Variants in KRT34 observed in about 807,000 individuals in gnomAD.
The protein encoded by KRT34 is keratin, type I cuticular Ha4.
A neutral mutation model predicts 41.7 loss-of-function variants in KRT34; 31 were observed. The ratio of observed to expected loss-of-function variants is 0.74; its 90% CI spans 0.56 to 1.00. The LOEUF (loss-of-function observed/expected upper bound fraction) is 1.00. KRT34 is among the 50% of genes least tolerant of loss of function. The pLI, the probability that KRT34 is intolerant of heterozygous loss-of-function variation, is 0.00. For synonymous variants in KRT34, 224 were observed against 212.9 expected (o/e 1.05, Z -0.45); for missense variants, 523 against 500.3 (o/e 1.05, Z -0.43).
At chr17:41,380,670 T>A (rs2017961246) in intron 3 of KRT34, among the ~76,000 whole-genome samples, 1 of 152,238 alleles carries the variant, frequency 6.6e-6, no homozygotes, top group African/African-American at 2.4e-5. Context: ...TGTTTCACTC[T>A]GTCTTGTTTA....
intron 2 of KRT34, among the ~76,000 whole-genome samples, 185 bp from the exon 3 acceptor site, chr17:41,381,397 G>A (rs561029974): frequency 4.1e-4 from 63 of 152,250 alleles, no homozygotes; most frequent in African/African-American, 1.4e-3. Context: ...CTAACACCAC[G>A]AGGAGCCCAC....
In KRT34 at chr17:41,382,013, C is replaced by T. The variant is rs2017998227; in HGVS notation, c.234G>A (p.Glu78=). The T allele has an allele frequency of 6.2e-7, 1 of 1,614,232 alleles. No homozygotes were observed. The highest frequency in any genetic ancestry group is 8.5e-7 in the Non-Finnish European group (1 of 1,180,054). The change falls in exon 1 of 7, where the codon GAG becomes GAA. Residue 78 remains glutamate, a synonymous_variant. Coordinates refer to ENST00000394001, the MANE Select transcript of KRT34 (RefSeq NM_001386014.1). Reference sequence around the variant, plus strand: ...GTTTCTCCAGCTCCGCGTTGTCCCGCTCCAGCTGACGCACCTTCTCCAGGT... The same window carrying T: ...GTTTCTCCAGCTCCGCGTTGTCCCGTTCCAGCTGACGCACCTTCTCCAGGT... ...ASYLEKVRQL[E]RDNAELEKLI...
upstream of KRT34, among the ~76,000 whole-genome samples, chr17:41,383,278 A>G (rs1482544561): frequency 6.6e-6 from 1 of 152,282 alleles, no homozygotes; most frequent in Non-Finnish European, 1.5e-5. Context: ...CGGCCTCCCA[A>G]AGTGCTGGGA....
intron 6 of KRT34, among the ~76,000 whole-genome samples, 161 bp from the exon 7 acceptor site, chr17:41,378,307 T>C (rs1244858460): frequency 6.6e-6 from 1 of 152,182 alleles, no homozygotes; most frequent in Non-Finnish European, 1.5e-5. Flanking sequence ...AGGGTCTTGC[T>C]CTGTTGCCTA....
Position 41,382,183 on chromosome 17 carries a change from C to G in KRT34, c.64G>C (p.Val22Leu). The stretch of plus-strand genomic sequence containing the variant: ...GTGTAGCCGTGGCAGCTGGGGGGCA[C>G]GCAGGGCCGGGAGGAGCAGCTGGTG... Reference protein sequence around the residue: ...CRTSCSSRPCVPPSCHGYTLP... With the variant: ...CRTSCSSRPCLPPSCHGYTLP... The change falls in exon 1 of 7, where the codon GTG (valine) becomes CTG (leucine). Residue 22 changes from valine (V) to leucine (L), a missense_variant. Coordinates refer to ENST00000394001, the MANE Select transcript of KRT34 (RefSeq NM_001386014.1). 1 of 1,612,324 alleles carries G rather than the reference C, an allele frequency of 6.2e-7. No individual in the cohort carries two copies. The highest frequency in any genetic ancestry group is 8.5e-7 in the Non-Finnish European group (1 of 1,180,020).
At chr17:41,382,648 A>G (rs1378482801), upstream of KRT34, among the ~76,000 whole-genome samples, 1 of 152,204 alleles carries the variant, frequency 6.6e-6, no homozygotes, top group Non-Finnish European at 1.5e-5. Flanking sequence ...TTCCTCACCC[A>G]GGAGTTTCCG....
chr17:41,379,349 A>T lies in KRT34; in HGVS notation c.876+4T>A. The T allele has an allele frequency of 1.2e-6, 2 of 1,613,122 alleles. No homozygotes were observed. The highest frequency in any genetic ancestry group is 2.2e-5 in the South Asian group (2 of 91,028). ...GCTCACCAGCAGGTCTGAACAATACACACCAGGTTGTGCTGGGCCTGCAGC... is the reference window on the plus strand; with the variant it reads ...GCTCACCAGCAGGTCTGAACAATACTCACCAGGTTGTGCTGGGCCTGCAGC... On this transcript the variant is annotated splice_donor_region_variant and intron_variant, in intron 5 of 6. Transcript: ENST00000394001.
At chr17:41,378,817 T>G in intron 6 of KRT34, 139 bp downstream of exon 6, 1 of 1,253,330 alleles carries the variant, frequency 8.0e-7, no homozygotes, top group Non-Finnish European at 1.1e-6. Context: ...CTCCCTTTGC[T>G]TAGCTATCAC....
Position 41,379,611 on chromosome 17 carries a change from C to T in KRT34, c.709G>A (p.Glu237Lys), listed in dbSNP as rs866265957. 1 of 1,614,076 alleles carries T rather than the reference C, an allele frequency of 6.2e-7. No individual in the cohort carries two copies. Among genetic ancestry groups the T allele is most frequent in the Non-Finnish European group, 8.5e-7 (1 of 1,179,928 alleles). ...ETRSQYEALVEINRREVEQWF... is the reference protein window; with the variant it reads ...ETRSQYEALVKINRREVEQWF... ...TGCTCCACTTCCCTGCGGTTAATTTCCACCAGAGCCTCATACTGACTCCTG... is the reference window on the plus strand; with the variant it reads ...TGCTCCACTTCCCTGCGGTTAATTTTCACCAGAGCCTCATACTGACTCCTG... The change falls in exon 4 of 7, where the codon GAA becomes AAA. Residue 237 changes from glutamate (E) to lysine (K), a missense_variant. Coordinates refer to ENST00000394001, the MANE Select transcript of KRT34 (RefSeq NM_001386014.1).
Position 41,382,233 on chromosome 17 carries a change from C to T in KRT34, c.14G>A (p.Cys5Tyr). 1 of 1,612,626 alleles carries T rather than the reference C, an allele frequency of 6.2e-7. No individual in the cohort carries two copies. The highest frequency in any genetic ancestry group is 8.5e-7 in the Non-Finnish European group (1 of 1,180,026). ...GCGGCAGCCCAGGCTGGGCAGGCAACAACTGTAAGACATGGTGCTGGAACA... is the reference window on the plus strand; with the variant it reads ...GCGGCAGCCCAGGCTGGGCAGGCAATAACTGTAAGACATGGTGCTGGAACA... MSYSCCLPSLGCRTS... is the reference protein window; with the variant it reads MSYSYCLPSLGCRTS... The change falls in exon 1 of 7, where the codon TGT becomes TAT. Residue 5 changes from cysteine (C) to tyrosine (Y), a missense_variant. Cys to Tyr is a radical substitution (Grantham distance 194, BLOSUM62 -2). Transcript: ENST00000394001.
At chr17:41,378,424 G>A (rs1034416744) in intron 6 of KRT34, among the ~76,000 whole-genome samples, 2 of 152,110 alleles carry the variant, frequency 1.3e-5, no homozygotes, top group African/African-American at 4.8e-5. Flanking sequence ...CAAGTAGTTA[G>A]GATCACAGGC....
chr17:41,378,852 G>A (rs963180207), intron 6 of KRT34, 104 bp downstream of exon 6: 1 of 1,451,246 alleles, frequency 6.9e-7, no homozygotes, highest in African/African-American at 1.4e-5. Flanking sequence ...ATGCTACACA[G>A]TTAATGTGTG....
chr17:41,380,347 CA>C (rs1440079995), intron 3 of KRT34, among the ~76,000 whole-genome samples: 8 of 152,196 alleles, frequency 5.3e-5, no homozygotes, highest in Admixed American at 4.6e-4. Flanking sequence ...GGGATCACGT[CA>C]ATTGTTGTCC....
chr17:41,381,349 G>C, intron 2 of KRT34, 137 bp from the exon 3 acceptor site: 1 of 918,922 alleles, frequency 1.1e-6, no homozygotes, highest in African/African-American at 1.6e-5. Flanking sequence ...CTTCAGTCAA[G>C]CTGTCCATGG....
At chr17:41,379,514 T>A (rs371998384) in intron 4 of KRT34, 36 bp from the exon 5 acceptor site, 6 of 1,614,120 alleles carry the variant, frequency 3.7e-6, no homozygotes, top group Non-Finnish European at 5.1e-6. Context: ...TCAGACCCTG[T>A]CTCCAGGGCC....
chr17:41,380,807 CAG>C (rs1281449948), intron 3 of KRT34, among the ~76,000 whole-genome samples: 3 of 152,170 alleles, frequency 2.0e-5, no homozygotes, highest in Non-Finnish European at 4.4e-5. Context: ...CAGTGATCAG[CAG>C]AGAGCAGGGC....
rs1041849842 is a variant in KRT34, at chr17:41,377,769, C to T, written c.*290G>A. ...AAGGAAAACAGGAAATGCAGTAGTACGTTCAGGAAACACCTTAAGTAGTAA... is the reference window on the plus strand; with the variant it reads ...AAGGAAAACAGGAAATGCAGTAGTATGTTCAGGAAACACCTTAAGTAGTAA... On this transcript the variant is annotated 3_prime_UTR_variant, in exon 7 of 7. Transcript: ENST00000394001. 6 of 379,972 alleles carry T rather than the reference C, an allele frequency of 1.6e-5. No individual in the cohort carries two copies. Among genetic ancestry groups the T allele is most frequent in the East Asian group, 3.8e-5 (1 of 26,180 alleles). The allele number at this position is 379,972 out of a possible 1,614,324, so 23.5% of individuals were successfully genotyped here.
Position 41,379,382 on chromosome 17 carries a change from C to G in KRT34, c.847G>C (p.Glu283Gln). ...IELRRTVNAL[E>Q]IELQAQHNLR... ...TTGTGCTGGGCCTGCAGCTCGATCT[C>G]CAGGGCGTTGACTGTGCGTCTCAGC... Residue 283 changes from glutamate to glutamine, a missense_variant, in exon 5 of 7, where the codon GAG becomes CAG. Transcript: ENST00000394001. The G allele has an allele frequency of 1.2e-6, 2 of 1,613,400 alleles. No homozygotes were observed. Among genetic ancestry groups the G allele is most frequent in the African/African-American group, 2.7e-5 (2 of 75,026 alleles).
At chr17:41,378,201 A>G in intron 6 of KRT34, 55 bp from the exon 7 acceptor site, 1 of 1,134,066 alleles carries the variant, frequency 8.8e-7, no homozygotes, top group Non-Finnish European at 1.3e-6. Context: ...AATGCACACA[A>G]TACCTTGGGC....
Sources: allele counts gnomAD v4.1 joint callset (sites outside exome capture counted in the v4.1 genomes callset), GRCh38; gene constraint gnomAD v4.1.1; transcripts MANE v1.5; gene names NCBI Gene and HGNC (gene_info 2026-07-23, HGNC 2026-07-21).